Variants in KIFAP3 observed in about 807,000 individuals in gnomAD.
KIFAP3 encodes kinesin associated protein 3.
KIFAP3 carries 68 observed loss-of-function variants against 106.5 expected under a neutral mutation model. The ratio of observed to expected loss-of-function variants is 0.64; its 90% confidence interval spans 0.53 to 0.78. The LOEUF (loss-of-function observed/expected upper bound fraction) is 0.78. Ranked by LOEUF, KIFAP3 falls within the 30% of genes least tolerant of loss-of-function variation. KIFAP3 has a pLI of 0.00. For synonymous variants in KIFAP3, 320 were observed against 311.5 expected (o/e 1.03, Z -0.29); for missense variants, 780 against 941.8 (o/e 0.83, Z 2.25).
rs754842097 is a variant in KIFAP3 at position 169,921,645 on chromosome 1, G to C, written c.*31C>G. 1 of 1,545,422 alleles carries C rather than the reference G, an allele frequency of 6.5e-7. No individual in the cohort carries two copies. Among genetic ancestry groups the C allele is most frequent in the South Asian group, 1.1e-5 (1 of 89,114 alleles). On this transcript the variant is annotated 3_prime_UTR_variant, in exon 20 of 20. Coordinates refer to ENST00000361580, the MANE Select transcript of KIFAP3 (RefSeq NM_014970.4). ...CCCAACCCACACAGATTTCTTCTAA[G>C]CTGAGATTACACATGGAAACAGATA...
chr1:169,940,334 C>T (rs1256670152), intron 19 of KIFAP3, among the ~76,000 whole-genome samples: 2 of 152,156 alleles, frequency 1.3e-5, no homozygotes, highest in African/African-American at 4.8e-5. Flanking sequence ...CTGGAACTCA[C>T]TAAATATATT....
intron 1 of KIFAP3, among the ~76,000 whole-genome samples, chr1:170,066,329 T>C (rs1671445783): frequency 1.3e-5 from 2 of 152,200 alleles, no homozygotes; most frequent in Admixed American, 1.3e-4. Context: ...CTCAAATATT[T>C]ATAATTCCTG....
chr1:170,036,205 A>G (rs1669684290), intron 5 of KIFAP3, among the ~76,000 whole-genome samples: 3 of 152,106 alleles, frequency 2.0e-5, no homozygotes, highest in Admixed American at 1.3e-4. Context: ...CTAGTTTCAA[A>G]TCAGGTTGGT....
intron 11 of KIFAP3, among the ~76,000 whole-genome samples, chr1:169,986,162 C>T (rs185315543): frequency 3.3e-5 from 5 of 151,698 alleles, no homozygotes; most frequent in Admixed American, 3.3e-4. Context: ...TTATTTTAGA[C>T]CTCTTTCTGT....
chr1:169,985,874 T>C (rs1156810502), intron 11 of KIFAP3, among the ~76,000 whole-genome samples: 2 of 151,982 alleles, frequency 1.3e-5, no homozygotes, highest in Non-Finnish European at 2.9e-5. Flanking sequence ...AGATTTGTCA[T>C]GGTGAGAAAC....
At chr1:170,011,191 T>C (rs1266749640) in intron 10 of KIFAP3, among the ~76,000 whole-genome samples, 4 of 151,924 alleles carry the variant, frequency 2.6e-5, no homozygotes, top group African/African-American at 9.7e-5. Context: ...CAAAAAATAA[T>C]CTAAAATAAT....
chr1:169,928,969 G>A (rs192522317), intron 19 of KIFAP3, among the ~76,000 whole-genome samples: 13 of 152,102 alleles, frequency 8.5e-5, no homozygotes, highest in African/African-American at 2.9e-4. Flanking sequence ...TTTTCTCCTT[G>A]AAATTCTTAC....
chr1:170,039,768 T>C (rs551863018), intron 3 of KIFAP3, among the ~76,000 whole-genome samples: 1 of 152,274 alleles, frequency 6.6e-6, no homozygotes, highest in East Asian at 1.9e-4. Context: ...TGCTAACTGG[T>C]TCTTTTTTAA....
chr1:170,025,721 A>G (rs1669069734), intron 8 of KIFAP3, among the ~76,000 whole-genome samples: 1 of 152,206 alleles, frequency 6.6e-6, no homozygotes, highest in Admixed American at 6.5e-5. Flanking sequence ...TGGTAGTGCT[A>G]AATTAAAATT....
Position 169,961,186 on chromosome 1 carries a change from C to T in KIFAP3, c.2033G>A (p.Trp678Ter), listed in dbSNP as rs1337966162. The change falls in exon 18 of 20, where the codon TGG (tryptophan) becomes TAG (stop). Residue 678 changes from tryptophan (W) to a stop codon, truncating the protein, a stop_gained. Transcript: ENST00000361580. LOFTEE classifies it high-confidence loss of function. Reference protein sequence around the residue: ...AKKIQSEKFRWHNSQWLEMVE... With the variant: ...AKKIQSEKFR ...CATCTCCAGCCACTGAGAGTTATGC[C>T]AGCGAAACTTTTCACTCTGAATTTT... 6.2e-7 allele frequency: 1 copy of T among 1,613,378 alleles called. No individual in the cohort carries two copies. The highest frequency in any genetic ancestry group is 8.5e-7 in the Non-Finnish European group (1 of 1,179,678).
At chr1:170,038,247 A>C (rs776673421) in intron 5 of KIFAP3, 43 bp downstream of exon 5, 40 of 1,429,514 alleles carry the variant, frequency 2.8e-5, no homozygotes, top group Non-Finnish European at 3.6e-5. Flanking sequence ...AATAACTGTA[A>C]CTTATTCCTC....
At chr1:169,973,312 G>T (rs893109440) in intron 16 of KIFAP3, among the ~76,000 whole-genome samples, 9 of 149,086 alleles carry the variant, frequency 6.0e-5, no homozygotes, top group Non-Finnish European at 1.0e-4. Context: ...TAAGTGAAAA[G>T]AGATAAAAAG....
intron 1 of KIFAP3, among the ~76,000 whole-genome samples, chr1:170,059,055 C>T (rs2102134724): frequency 6.6e-6 from 1 of 152,204 alleles, no homozygotes; most frequent in South Asian, 2.1e-4. Context: ...TAAATGCCCA[C>T]AAGAGTAAGC....
At chr1:169,989,317 G>C (rs975700804) in intron 11 of KIFAP3, among the ~76,000 whole-genome samples, 1 of 146,838 alleles carries the variant, frequency 6.8e-6, no homozygotes, top group Non-Finnish European at 1.5e-5. Context: ...TATCCTTCTT[G>C]GTTTGCATTT....
chr1:169,979,472 G>A (rs1666395368), intron 15 of KIFAP3, among the ~76,000 whole-genome samples: 1 of 151,992 alleles, frequency 6.6e-6, no homozygotes, highest in Non-Finnish European at 1.5e-5. Flanking sequence ...AGAGAAAAAT[G>A]CACAAAAGGC....
intron 17 of KIFAP3, among the ~76,000 whole-genome samples, chr1:169,965,965 A>C (rs1325498245): frequency 6.6e-6 from 1 of 151,908 alleles, no homozygotes; most frequent in Non-Finnish European, 1.5e-5. Flanking sequence ...CATTCCTTTA[A>C]AATTTTCACC....
chr1:169,992,068 G>T, intron 11 of KIFAP3, 87 bp downstream of exon 11: 1 of 559,274 alleles, frequency 1.8e-6, no homozygotes, highest in Non-Finnish European at 2.8e-6. Context: ...AACTTTTTTA[G>T]AGAGAAAATC....
At position 169,949,747 on chromosome 1, in the gene KIFAP3, C is replaced by T. The variant is rs886152803; in HGVS notation, c.2273+4264G>A. On this transcript the variant is annotated intron_variant, in intron 19 of 19. Transcript: ENST00000361580. ...TTGGGAGGGGAAGATTTACATTTGA[C>T]GCTCTGGGATTGGCAACTCCATAGC... 3.3e-5 allele frequency among the ~76,000 whole-genome samples: 5 copies of T among 152,134 alleles called. No homozygotes were observed. The East Asian group carries it at 5.8e-4, about 18-fold the overall frequency.
chr1:170,031,515 A>T (rs1669410419), intron 8 of KIFAP3, among the ~76,000 whole-genome samples: 1 of 151,810 alleles, frequency 6.6e-6, no homozygotes, highest in Admixed American at 6.6e-5. Flanking sequence ...ATTAAACAAG[A>T]GAAATATTTT....
Sources: gnomAD v4.1 joint callset for allele counts (sites outside exome capture counted in the v4.1 genomes callset) on GRCh38, gnomAD v4.1.1 for gene constraint, MANE v1.5 for transcripts, NCBI Gene and HGNC (gene_info 2026-07-23, HGNC 2026-07-21) for gene names.